ZBTB20: variants seen among roughly 807,000 people sequenced by gnomAD.
ZBTB20 encodes the protein zinc finger and BTB domain-containing protein 20.
ZBTB20 carries 9 observed loss-of-function variants against 56.9 expected under a neutral mutation model. That is an observed-to-expected ratio of 0.16 (90% CI 0.10 to 0.28). The LOEUF (loss-of-function observed/expected upper bound fraction) is 0.28, where lower values mean the gene tolerates loss of function less well. ZBTB20 is among the 10% of genes least tolerant of loss of function. ZBTB20 has a pLI of 1.00. For missense variants in ZBTB20, 655 were observed against 1,003.0 expected (o/e 0.65, Z 4.69); for synonymous variants, 417 against 420.7 (o/e 0.99, Z 0.11).
chr3:114,550,227 T>C (rs570059378), intron 6 of ZBTB20, among the ~76,000 whole-genome samples: 2 of 152,190 alleles, frequency 1.3e-5, no homozygotes, highest in Non-Finnish European at 2.9e-5. Flanking sequence ...CATGAGCCAC[T>C]GTGCCCACCC....
chr3:114,378,550 A>C (rs747793722), intron 10 of ZBTB20, among the ~76,000 whole-genome samples: 2 of 152,252 alleles, frequency 1.3e-5, no homozygotes, highest in Non-Finnish European at 2.9e-5. Context: ...ACAATAAGTG[A>C]AGCCCAATGC....
Position 114,462,006 on chromosome 3 carries a change from T to C in ZBTB20, c.-255+38346A>G, listed in dbSNP as rs143346797. ...TTAGATTATGTTCTTAGTCTATTTG[T>C]CTCATCTGTAAGATGGAAATAATAA... On this transcript the variant is annotated intron_variant, in intron 7 of 11. Coordinates refer to ENST00000675478, the MANE Select transcript of ZBTB20 (RefSeq NM_001348800.3). Among the ~76,000 whole-genome samples, 1,210 of 152,346 alleles carry C rather than the reference T, an allele frequency of 7.9e-3. 19 individuals are homozygous for C. Among genetic ancestry groups the C allele is most frequent in the African/African-American group, 0.028 (1,160 of 41,564 alleles).
chr3:114,327,985 C>G lies in ZBTB20; in HGVS notation c.*11020G>C, dbSNP rs1220303820. ...TTTGGGCAATGCTCTGGTGACCAGA[C>G]AGTTGTAATCCACTGCAGGGAGATC... On this transcript the variant is annotated 3_prime_UTR_variant, in exon 12 of 12. Coordinates refer to ENST00000675478, the MANE Select transcript of ZBTB20 (RefSeq NM_001348800.3). 6.6e-6 allele frequency: 1 copy of G among 152,192 alleles called. No homozygotes were observed. Among genetic ancestry groups the G allele is most frequent in the Non-Finnish European group, 1.5e-5 (1 of 68,044 alleles). 9.4% of individuals were successfully genotyped at this position (152,192 alleles called of 1,614,324 possible).
intron 4 of ZBTB20, among the ~76,000 whole-genome samples, chr3:114,834,994 A>C (rs1380407662): frequency 6.6e-6 from 1 of 152,192 alleles, no homozygotes; most frequent in Non-Finnish European, 1.5e-5. Flanking sequence ...TGGTCACCCC[A>C]AAATACTCTT....
chr3:114,907,216 T>TAG (rs35506359), intron 3 of ZBTB20, among the ~76,000 whole-genome samples: 131,805 of 151,606 alleles, frequency 0.87, 58,664 homozygotes, highest in East Asian at 1. Flanking sequence ...CAGCAGAATG[T>TAG]AGTTAGGCTA....
chr3:114,776,353 T>G (rs969947690), intron 5 of ZBTB20, among the ~76,000 whole-genome samples: 1 of 151,944 alleles, frequency 6.6e-6, no homozygotes, highest in Admixed American at 6.6e-5. Context: ...CTAACTACAA[T>G]TCTATGTATC....
intron 7 of ZBTB20, among the ~76,000 whole-genome samples, chr3:114,451,080 T>G (rs1003336413): frequency 6.6e-6 from 1 of 152,014 alleles, no homozygotes; most frequent in African/African-American, 2.4e-5. Flanking sequence ...TCTTACTTAA[T>G]TCTTAAGTCT....
In ZBTB20 at chr3:114,325,069, T is replaced by C. The variant is rs1167964352; in HGVS notation, c.*13936A>G. 1 of 152,188 alleles carries C rather than the reference T, an allele frequency of 6.6e-6. No homozygotes were observed. The highest frequency in any genetic ancestry group is 2.4e-5 in the African/African-American group (1 of 41,450). 9.4% of individuals were successfully genotyped at this position (152,188 alleles called of 1,614,324 possible). On this transcript the variant is annotated 3_prime_UTR_variant, in exon 12 of 12. Transcript: ENST00000675478. ...TCACCTTTGTTTGCCATGATGAAGA[T>C]TACTAAGACACCCTGCTTTCATCTA...
chr3:114,582,830 C>G (rs2054794643), intron 6 of ZBTB20, among the ~76,000 whole-genome samples: 1 of 152,190 alleles, frequency 6.6e-6, no homozygotes, highest in African/African-American at 2.4e-5. Flanking sequence ...CACTTCACAG[C>G]CAAACATGCC....
chr3:114,578,916 T>C (rs2107461514), intron 6 of ZBTB20, among the ~76,000 whole-genome samples: 1 of 151,898 alleles, frequency 6.6e-6, no homozygotes. Context: ...ACAACAGTGA[T>C]CACCACTTTT....
chr3:114,719,179 A>T, intron 5 of ZBTB20, among the ~76,000 whole-genome samples: 1 of 50,936 alleles, frequency 2.0e-5, no homozygotes, highest in South Asian at 7.7e-4. Flanking sequence ...TAGGAAGTCC[A>T]GGGGGTTGTG....
intron 5 of ZBTB20, among the ~76,000 whole-genome samples, chr3:114,800,050 C>T (rs1243027651): frequency 6.6e-6 from 1 of 151,898 alleles, no homozygotes; most frequent in Admixed American, 6.6e-5. Context: ...ATACAGTAGA[C>T]TCCACATCTG....
At chr3:114,524,208 G>A (rs920070461) in intron 6 of ZBTB20, among the ~76,000 whole-genome samples, 4 of 152,204 alleles carry the variant, frequency 2.6e-5, no homozygotes, top group Non-Finnish European at 5.9e-5. Context: ...AGGAATTGGT[G>A]TATTAGGGGT....
At chr3:114,552,879 C>T (rs904006020) in intron 6 of ZBTB20, among the ~76,000 whole-genome samples, 2 of 152,144 alleles carry the variant, frequency 1.3e-5, no homozygotes, top group African/African-American at 4.8e-5. Context: ...TCTGTTACTT[C>T]GTGTTACATT....
At chr3:114,960,441 A>G (rs994830467) in intron 3 of ZBTB20, among the ~76,000 whole-genome samples, 1 of 152,238 alleles carries the variant, frequency 6.6e-6, no homozygotes, top group Non-Finnish European at 1.5e-5. Context: ...ATGACTCCCT[A>G]CGTACTACAG....
At chr3:114,805,548 G>A (rs1175003967) in intron 4 of ZBTB20, among the ~76,000 whole-genome samples, 3 of 151,618 alleles carry the variant, frequency 2.0e-5, no homozygotes, top group East Asian at 1.9e-4. Context: ...AACCTTGGTC[G>A]CTTGCTTAGG....
At chr3:115,052,450 C>T (rs919544840) in intron 2 of ZBTB20, among the ~76,000 whole-genome samples, 12 of 151,378 alleles carry the variant, frequency 7.9e-5, no homozygotes, top group East Asian at 3.9e-4. Context: ...GAGTGAGACG[C>T]TTTCTCATGG....
At chr3:114,743,865 A>C (rs2066824008) in intron 5 of ZBTB20, 1 of 152,174 alleles carries the variant, frequency 6.6e-6, no homozygotes, top group African/African-American at 2.4e-5. Flanking sequence ...TCTCACAGAG[A>C]TATTTTAGAG....
In ZBTB20 at chr3:114,320,121, T is replaced by C. The variant is rs1468451325; in HGVS notation, c.*18884A>G. The C allele has an allele frequency of 6.6e-6, 1 of 152,210 alleles. No individual in the cohort carries two copies. Among genetic ancestry groups the C allele is most frequent in the East Asian group, 1.9e-4 (1 of 5,194 alleles). 9.4% of individuals were successfully genotyped at this position (152,210 alleles called of 1,614,324 possible). A position where few individuals can be genotyped will look rare whatever the true frequency, so the allele number is the denominator to read the frequency against. On this transcript the variant is annotated 3_prime_UTR_variant, in exon 12 of 12. Transcript: ENST00000675478. ...ATTTTCAGCATTGTAGTTTAAACTA[T>C]GTATTTTTCTTACTTGATGATATTA...
Sources: allele counts gnomAD v4.1 joint callset (sites outside exome capture counted in the v4.1 genomes callset), GRCh38; gene constraint gnomAD v4.1.1; transcripts MANE v1.5; gene names NCBI Gene and HGNC (gene_info 2026-07-23, HGNC 2026-07-21).